The following INSRR variants were observed in gnomAD, a reference collection of about 807,000 sequenced individuals.
INSRR encodes the protein insulin receptor-related protein.
Under a neutral mutation model 130.0 loss-of-function variants are expected in INSRR, and 114 were observed. The observed-to-expected ratio is 0.88, with a 90% confidence interval of 0.75 to 1.02. INSRR has a LOEUF of 1.02. INSRR is among the 50% of genes least tolerant of loss of function. INSRR has a pLI of 0.00. For synonymous variants in INSRR, 674 were observed against 705.2 expected (o/e 0.96, Z 0.70); for missense variants, 1,657 against 1,735.2 (o/e 0.95, Z 0.80).
In INSRR at chr1:156,844,615, C is replaced by G; in HGVS notation, c.2584G>C (p.Val862Leu). 1 of 1,614,152 alleles carries G rather than the reference C, an allele frequency of 6.2e-7. No homozygotes were observed. The highest frequency in any genetic ancestry group is 8.5e-7 in the Non-Finnish European group (1 of 1,180,010). Residue 862 changes from valine to leucine, a missense_variant, in exon 14 of 22, where the codon GTG becomes CTG. Physicochemically the swap from Val to Leu is conservative, Grantham distance 32. Transcript: ENST00000368195. ...KYRRLGEEATVLCVSRLRYAK... is the reference protein window; with the variant it reads ...KYRRLGEEATLLCVSRLRYAK... ...TATCGAAGACGGGACACACACAGCA[C>G]TGTGGCCTCCTGAGAGTAACGCAGA...
At position 156,842,206 on chromosome 1, in the gene INSRR, G is replaced by T; in HGVS notation, c.3303C>A (p.Asp1101Glu). ...TGTTGGCAGCAAGGTAGGCCATGCC[G>T]TCTGCAATCTCACCAGCCATTTGGA... is the stretch of plus-strand genomic sequence containing the variant. ...EMIQMAGEIA[D>E]GMAYLAANKF... The change falls in exon 19 of 22, where the codon GAC becomes GAA. Residue 1101 changes from aspartate to glutamate, a missense_variant. Physicochemically the swap from Asp to Glu is conservative, Grantham distance 45. Coordinates refer to ENST00000368195, the MANE Select transcript of INSRR (RefSeq NM_014215.3). 6.2e-7 allele frequency: 1 copy of T among 1,614,034 alleles called. No homozygotes were observed. The highest frequency in any genetic ancestry group is 8.5e-7 in the Non-Finnish European group (1 of 1,179,996).
intron 12 of INSRR, 39 bp downstream of exon 12, chr1:156,845,037 C>G: frequency 6.4e-7 from 1 of 1,571,150 alleles, no homozygotes; most frequent in South Asian, 1.1e-5. Context: ...TCCTTGGGGT[C>G]GGTGATGGGG....
chr1:156,849,513 G>GGGGGA, intron 5 of INSRR, 53 bp from the exon 6 acceptor site: 1 of 486,120 alleles, frequency 2.1e-6, no homozygotes, highest in Non-Finnish European at 4.1e-6. Context: ...CAGGGGGTGG[G>GGGGGA]AAAGGGGATG....
At chr1:156,857,313 G>A (rs992648920) in intron 1 of INSRR, among the ~76,000 whole-genome samples, 1 of 152,132 alleles carries the variant, frequency 6.6e-6, no homozygotes, top group Non-Finnish European at 1.5e-5. Flanking sequence ...GCTCTGCGAG[G>A]CAGATAGGGG....
In INSRR at chr1:156,849,086, C is replaced by CAGCT. The variant is rs1558088414; in HGVS notation, c.1445-43_1445-40dup. On this transcript the variant is annotated intron_variant, in intron 6 of 21. Transcript: ENST00000368195. The stretch of plus-strand genomic sequence containing the variant: ...GGGGCCTGCTCGCAACCGCGCCTGC[C>CAGCT]AGCTGCTTGAGCGCCCACCCTGACC... The CAGCT allele has an allele frequency of 4.4e-6, 7 of 1,603,944 alleles. No individual in the cohort carries two copies. In the South Asian group the frequency reaches 7.8e-5, roughly 18 times the overall value.
Position 156,858,548 on chromosome 1 carries a change from T to C in INSRR, c.74A>G (p.Asp25Gly). The C allele has an allele frequency of 6.2e-7, 1 of 1,613,658 alleles. No individual in the cohort carries two copies. Among genetic ancestry groups the C allele is most frequent in the Non-Finnish European group, 8.5e-7 (1 of 1,179,884 alleles). ...TTCTGGGGACTCACCCTCTACTGTATCCAGGCCAAATCCCAAGGAGAGGAA... is the reference window on the plus strand; with the variant it reads ...TTCTGGGGACTCACCCTCTACTGTACCCAGGCCAAATCCCAAGGAGAGGAA... ...VIFLSLGFGL[D>G]TVEVCPSLDI... Residue 25 changes from aspartate (D) to glycine (G), a missense_variant, in exon 1 of 22, where the codon GAT becomes GGT. Asp to Gly is a moderately conservative substitution (Grantham distance 94). Coordinates refer to ENST00000368195, the MANE Select transcript of INSRR (RefSeq NM_014215.3).
Position 156,841,181 on chromosome 1 carries a change from G to A in INSRR, c.3663-77C>T, listed in dbSNP as rs969412564. 7 of 1,177,824 alleles carry A rather than the reference G, an allele frequency of 5.9e-6. 1 individual carries two copies. In the South Asian group the frequency reaches 8.0e-5, roughly 13 times the overall value. The allele number at this position is 1,177,824 out of a possible 1,614,324, so 73.0% of individuals were successfully genotyped here. ...TCTCAGCCTCCTGCACTGAGGGTCA[G>A]TTGGTGGGAGTGGGGATCGTGGGCC... On this transcript the variant is annotated intron_variant, in intron 21 of 21. Coordinates refer to ENST00000368195, the MANE Select transcript of INSRR (RefSeq NM_014215.3).
At position 156,840,871 on chromosome 1, in the gene INSRR, C is replaced by T. The variant is rs760569009; in HGVS notation, c.*2G>A. On this transcript the variant is annotated 3_prime_UTR_variant, in exon 22 of 22. Coordinates refer to ENST00000368195, the MANE Select transcript of INSRR (RefSeq NM_014215.3). ...GAGGCCAGCCAGGGAATGAGGTGCC[C>T]CTCAGTGCCCTGGACCCCCATTTTG... 3.1e-6 allele frequency: 5 copies of T among 1,607,322 alleles called. No homozygotes were observed. Among genetic ancestry groups the T allele is most frequent in the African/African-American group, 1.3e-5 (1 of 74,900 alleles).
rs1317535795 is a variant in INSRR at position 156,853,965 on chromosome 1, C to A, written c.424G>T (p.Glu142Ter). Residue 142 changes from glutamate to a stop codon, truncating the protein, a stop_gained, in exon 2 of 22, where the codon GAG (glutamate) becomes TAG (stop). Transcript: ENST00000368195. LOFTEE classifies it high-confidence loss of function. Reference sequence around the variant, plus strand: ...AGGTGGCAGAGCTCCTGGTTCTTCTCCACACGCACAGCCCCACGCAGCACG... The same window carrying A: ...AGGTGGCAGAGCTCCTGGTTCTTCTACACACGCACAGCCCCACGCAGCACG... ...GAVLRGAVRV[E>*]KNQELCHLST... 2.5e-6 allele frequency: 4 copies of A among 1,613,162 alleles called. No homozygotes were observed. The highest frequency in any genetic ancestry group is 3.4e-6 in the Non-Finnish European group (4 of 1,179,308).
chr1:156,840,586 A>G lies in INSRR; in HGVS notation c.*287T>C. The G allele has an allele frequency of 4.2e-6, 2 of 471,048 alleles. No individual in the cohort carries two copies. The highest frequency in any genetic ancestry group is 3.9e-5 in the East Asian group (1 of 25,656). The allele number at this position is 471,048 out of a possible 1,614,324, so 29.2% of individuals were successfully genotyped here. On this transcript the variant is annotated 3_prime_UTR_variant, in exon 22 of 22. Coordinates refer to ENST00000368195, the MANE Select transcript of INSRR (RefSeq NM_014215.3). ...GGGCGGGCCCCCTCTTCCTAGTCTG[A>G]GTGGGGTCCCTACCTCTGAGGGCAG...
chr1:156,849,233 G>A lies in INSRR; in HGVS notation c.1444+13C>T. ...TGGCCGCGTGTCCACCGGCACTGGG[G>A]TTGGGGTCTCACAGGCGGCGCGGTC... On this transcript the variant is annotated intron_variant, in intron 6 of 21. Transcript: ENST00000368195. 1 of 1,613,052 alleles carries A rather than the reference G, an allele frequency of 6.2e-7. No individual in the cohort carries two copies. The highest frequency in any genetic ancestry group is 8.5e-7 in the Non-Finnish European group (1 of 1,179,806).
chr1:156,841,585 C>T (rs1571655127), intron 20 of INSRR, 57 bp from the exon 21 acceptor site: 2 of 1,611,854 alleles, frequency 1.2e-6, no homozygotes, highest in East Asian at 4.5e-5. Flanking sequence ...CAGTGCATTC[C>T]AAGGGATGGG....
Position 156,841,788 on chromosome 1 carries a change from C to G in INSRR, c.3404G>C (p.Gly1135Ala). The change falls in exon 20 of 22, where the codon GGG becomes GCG. Residue 1135 changes from glycine to alanine, a missense_variant. By Grantham distance (60) the Gly-to-Ala change is moderately conservative. Transcript: ENST00000368195. ...TGTCTCATACACGTCCCGAGTCATC[C>G]CGAAGTCTGGAAAGTGAGGGTGAGG... Reference protein sequence around the residue: ...QDFTVKIGDFGMTRDVYETDY... With the variant: ...QDFTVKIGDFAMTRDVYETDY... The G allele has an allele frequency of 6.2e-7, 1 of 1,614,154 alleles. No individual in the cohort carries two copies. Among genetic ancestry groups the G allele is most frequent in the East Asian group, 2.2e-5 (1 of 44,874 alleles).
chr1:156,849,726 C>A (rs1196739090), intron 5 of INSRR, among the ~76,000 whole-genome samples: 1 of 152,060 alleles, frequency 6.6e-6, no homozygotes, highest in East Asian at 1.9e-4. Context: ...CCCATCCTTC[C>A]CTCGACTCTC....
In INSRR at chr1:156,841,502, A is replaced by G. The variant is rs748197635; in HGVS notation, c.3554T>C (p.Ile1185Thr). ...VWSFGVVLWE[I>T]VTLAEQPYQG... ...GTAGGGTTGTTCTGCCAGGGTCACAATCTCCCAGAGTACCACGCCAAAGGA... is the reference window on the plus strand; with the variant it reads ...GTAGGGTTGTTCTGCCAGGGTCACAGTCTCCCAGAGTACCACGCCAAAGGA... The change falls in exon 21 of 22, where the codon ATT (isoleucine) becomes ACT (threonine). Residue 1185 changes from isoleucine (I) to threonine (T), a missense_variant. By Grantham distance (89) the Ile-to-Thr change is moderately conservative (BLOSUM62 -1). Transcript: ENST00000368195. 8.7e-6 allele frequency: 14 copies of G among 1,613,766 alleles called. No homozygotes were observed. The highest frequency in any genetic ancestry group is 3.3e-5 in the Admixed American group (2 of 59,986).
chr1:156,844,539 G>T lies in INSRR; in HGVS notation c.2660C>A (p.Ser887Tyr). The change falls in exon 14 of 22, where the codon TCT becomes TAT. Residue 887 changes from serine (S) to tyrosine (Y), a missense_variant. Transcript: ENST00000368195. ...HLALLPPGNY[S>Y]ARVRATSLAG... ...CAGTGAGGTTGCCCTAACCCTGGCA[G>T]AGTAGTTTCCAGGGGGCAGCAGGGC... The T allele has an allele frequency of 6.2e-7, 1 of 1,614,198 alleles. No individual in the cohort carries two copies. Among genetic ancestry groups the T allele is most frequent in the South Asian group, 1.1e-5 (1 of 91,078 alleles).
Position 156,845,704 on chromosome 1 carries a change from G to A in INSRR, c.2089C>T (p.Gln697Ter). The change falls in exon 10 of 22, where the codon CAG (glutamine) becomes TAG (stop). Residue 697 changes from glutamine (Q) to a stop codon, truncating the protein, a stop_gained. Transcript: ENST00000368195. LOFTEE classifies it high-confidence loss of function. The stretch of plus-strand genomic sequence containing the variant: ...TGCGCCTCCAGCGGGGGCAGAACCT[G>A]ACCAGGAGGTGGGTGCTGGCAAGGG... ...CCPCQHPPPG[Q>*]VLPPLEAQEA... 6.2e-7 allele frequency: 1 copy of A among 1,613,624 alleles called. No individual in the cohort carries two copies. Among genetic ancestry groups the A allele is most frequent in the Non-Finnish European group, 8.5e-7 (1 of 1,179,878 alleles).
rs1468061678 is a variant in INSRR, at chr1:156,846,606, C to T, written c.1723G>A (p.Val575Met). The part of the protein sequence containing the change: ...LKPWTQYAVF[V>M]RAITLTTEED... ...TCAGTGGTTAGCGTGATGGCCCGCACAAACACTGCGTACTGTGTCCAAGGC... is the reference window on the plus strand; with the variant it reads ...TCAGTGGTTAGCGTGATGGCCCGCATAAACACTGCGTACTGTGTCCAAGGC... Residue 575 changes from valine to methionine, a missense_variant, in exon 8 of 22, where the codon GTG becomes ATG. Physicochemically the swap from Val to Met is conservative, Grantham distance 21. Transcript: ENST00000368195. 3 of 1,614,210 alleles carry T rather than the reference C, an allele frequency of 1.9e-6. No individual in the cohort carries two copies. Among genetic ancestry groups the T allele is most frequent in the Non-Finnish European group, 2.5e-6 (3 of 1,180,036 alleles).
At chr1:156,856,752 C>T (rs1275992461) in intron 1 of INSRR, among the ~76,000 whole-genome samples, 1 of 152,198 alleles carries the variant, frequency 6.6e-6, no homozygotes, top group African/African-American at 2.4e-5. Flanking sequence ...AACCACTGGG[C>T]ACTCAGGAAC....
Sources: allele counts gnomAD v4.1 joint callset (sites outside exome capture counted in the v4.1 genomes callset), GRCh38; gene constraint gnomAD v4.1.1; transcripts MANE v1.5; gene names NCBI Gene and HGNC (gene_info 2026-07-23, HGNC 2026-07-21).